SLC8A1: variants seen among roughly 807,000 people sequenced by gnomAD.
The protein encoded by SLC8A1 is sodium/calcium exchanger 1.
Under a neutral mutation model 68.3 loss-of-function variants are expected in SLC8A1, and 18 were observed. The observed-to-expected ratio is 0.26, with a 90% CI of 0.18 to 0.39. The LOEUF is 0.39. SLC8A1 is among the 10% of genes least tolerant of loss of function. The pLI is 1.00. For synonymous variants in SLC8A1, 475 were observed against 415.5 expected (o/e 1.14, Z -1.74); for missense variants, 985 against 1,156.7 (o/e 0.85, Z 2.15).
At chr2:40,431,444 G>A (rs1045632762) in intron 1 of SLC8A1, among the ~76,000 whole-genome samples, 1 of 152,094 alleles carries the variant, frequency 6.6e-6, no homozygotes. Flanking sequence ...TCAGTGAGCA[G>A]CACACAAAGC....
intron 6 of SLC8A1, among the ~76,000 whole-genome samples, chr2:40,154,479 CTTTTCTTTTTTT>C (rs2044069941): frequency 6.7e-5 from 2 of 30,044 alleles, no homozygotes; most frequent in African/African-American, 8.8e-5. Flanking sequence ...AATTTTTTTT[CTTTTCTTTTTTT>C]TTTTTTTTTG....
At chr2:40,368,324 T>C (rs963510823) in intron 2 of SLC8A1, among the ~76,000 whole-genome samples, 2 of 152,022 alleles carry the variant, frequency 1.3e-5, no homozygotes, top group Admixed American at 6.6e-5. Context: ...TTGCAAAAAT[T>C]AAATTTTTAA....
At chr2:40,392,161 AAAG>A (rs1470636013) in intron 2 of SLC8A1, among the ~76,000 whole-genome samples, 1 of 151,936 alleles carries the variant, frequency 6.6e-6, no homozygotes, top group African/African-American at 2.4e-5. Flanking sequence ...AAGAAAGAAA[AAAG>A]AAAGGAAGAG....
chr2:40,201,946 G>T (rs2054450829), intron 2 of SLC8A1, among the ~76,000 whole-genome samples: 1 of 151,896 alleles, frequency 6.6e-6, no homozygotes, highest in African/African-American at 2.4e-5. Context: ...AGCACATGGA[G>T]GATTTCAACA....
intron 1 of SLC8A1, among the ~76,000 whole-genome samples, chr2:40,483,835 C>T (rs889977156): frequency 1.3e-5 from 2 of 152,102 alleles, no homozygotes; most frequent in African/African-American, 4.8e-5. Flanking sequence ...CTAAGAATGA[C>T]AAAATATCAA....
At position 40,137,392 on chromosome 2, in the gene SLC8A1, T is replaced by C. The variant is rs539265417; in HGVS notation, c.2437+2009A>G. Among the ~76,000 whole-genome samples, 23 of 152,298 alleles carry C rather than the reference T, an allele frequency of 1.5e-4. 1 individual carries two copies. The South Asian group carries it at 2.5e-3, about 16-fold the overall frequency. ...AACTGCTGATTTTGGACAATTGTTA[T>C]AAGAGACCTAATTTTTGCCTTTATG... On this transcript the variant is annotated intron_variant, in intron 7 of 7. Coordinates refer to ENST00000406785, the Ensembl canonical transcript of SLC8A1.
chr2:40,112,577 T>G (rs5553), exon 8 of SLC8A1: 13,203 of 152,392 alleles, frequency 0.087, 599 homozygotes, highest in African/African-American at 0.12. Context: ...AGTGCAAAAA[T>G]TTTTCTAATG....
At chr2:40,481,126 A>AGT (rs201352387) in intron 1 of SLC8A1, among the ~76,000 whole-genome samples, 26 of 152,110 alleles carry the variant, frequency 1.7e-4, no homozygotes, top group Non-Finnish European at 3.4e-4. Flanking sequence ...TATGTGTAAG[A>AGT]GTGTGTGTGT....
rs114693552 is a variant in SLC8A1 at position 40,383,463 on chromosome 2, C to T, written c.1808+45010G>A. Among the ~76,000 whole-genome samples, 1,482 of 152,050 alleles carry T rather than the reference C, an allele frequency of 9.7e-3. 19 individuals carry two copies. The highest frequency in any genetic ancestry group is 0.015 in the Non-Finnish European group (1,039 of 67,954). On this transcript the variant is annotated intron_variant, in intron 2 of 7. Transcript: ENST00000406785. ...CTTCATATTTTGGTAGAGAGCATCA[C>T]TCAAGTTTAGTAATAAAAATAATAA... is the stretch of plus-strand genomic sequence containing the variant.
At chr2:40,389,375 T>A (rs989137364) in intron 2 of SLC8A1, among the ~76,000 whole-genome samples, 1 of 152,112 alleles carries the variant, frequency 6.6e-6, no homozygotes, top group Admixed American at 6.6e-5. Context: ...CCTTAAGCTA[T>A]CAGTTTGCAA....
chr2:40,120,407 A>C (rs1404800583), intron 7 of SLC8A1, among the ~76,000 whole-genome samples: 1 of 152,186 alleles, frequency 6.6e-6, no homozygotes, highest in Non-Finnish European at 1.5e-5. Flanking sequence ...TAGTGGAAGA[A>C]GCCTCATCAA....
At chr2:40,264,227 T>C (rs1288374214) in intron 2 of SLC8A1, among the ~76,000 whole-genome samples, 2 of 150,792 alleles carry the variant, frequency 1.3e-5, no homozygotes, top group South Asian at 2.1e-4. Flanking sequence ...TGTGGAGAAA[T>C]AGGAACACTT....
At chr2:40,146,196 A>G (rs759466958) in intron 6 of SLC8A1, among the ~76,000 whole-genome samples, 5 of 152,138 alleles carry the variant, frequency 3.3e-5, no homozygotes, top group Admixed American at 6.5e-5. Flanking sequence ...TCTTCTACCA[A>G]CTGAAACGTG....
chr2:40,169,635 G>T (rs1384837812), intron 4 of SLC8A1, among the ~76,000 whole-genome samples: 32 of 152,144 alleles, frequency 2.1e-4, no homozygotes, highest in Admixed American at 2.1e-3. Context: ...AAGAAATACA[G>T]CTCAGCTTTA....
At chr2:40,259,774 C>T (rs559716984) in intron 2 of SLC8A1, among the ~76,000 whole-genome samples, 32 of 152,234 alleles carry the variant, frequency 2.1e-4, no homozygotes, top group African/African-American at 7.2e-4. Context: ...AAACAATAGT[C>T]TTTTTACTCA....
chr2:40,486,132 T>G (rs1273882689), intron 1 of SLC8A1, among the ~76,000 whole-genome samples: 1 of 152,170 alleles, frequency 6.6e-6, no homozygotes, highest in African/African-American at 2.4e-5. Flanking sequence ...TTTCCCCCCT[T>G]TGCTCAGCAG....
intron 1 of SLC8A1, among the ~76,000 whole-genome samples, chr2:40,507,090 G>A (rs1473609675): frequency 6.6e-6 from 1 of 151,932 alleles, no homozygotes; most frequent in African/African-American, 2.4e-5. Context: ...GTTAATTGTC[G>A]AGTGGATTTC....
At chr2:40,177,841 A>C in exon 3 of SLC8A1, 1 of 1,550,236 alleles carries the variant, frequency 6.5e-7, no homozygotes, top group Non-Finnish European at 8.7e-7. Context: ...AAATATTCTA[A>C]TGGTAATGAT....
intron 2 of SLC8A1, among the ~76,000 whole-genome samples, chr2:40,179,494 A>T (rs1044961173): frequency 3.9e-5 from 6 of 152,232 alleles, no homozygotes; most frequent in African/African-American, 1.4e-4. Context: ...ATGTTACCTT[A>T]TAATTAATAA....
Sources: gnomAD v4.1 joint callset for allele counts (sites outside exome capture counted in the v4.1 genomes callset) on GRCh38, gnomAD v4.1.1 for gene constraint, MANE v1.5 for transcripts, NCBI Gene and HGNC (gene_info 2026-07-23, HGNC 2026-07-21) for gene names.